The following LAMC1 variants were observed in gnomAD, a reference collection of about 807,000 sequenced individuals.
The protein encoded by LAMC1 is laminin subunit gamma 1, also known as laminin subunit gamma-1.
LAMC1 carries 38 observed loss-of-function variants against 173.6 expected under a neutral mutation model. That is an observed-to-expected ratio of 0.22 (90% CI 0.17 to 0.29). The LOEUF is 0.29. Ranked by LOEUF, LAMC1 falls within the 10% of genes least tolerant of loss-of-function variation. The pLI is 1.00. For missense variants in LAMC1, 1,824 were observed against 2,051.8 expected, an observed-to-expected ratio of 0.89 and a Z score of 2.14; for synonymous variants, 746 against 749.1, an observed-to-expected ratio of 1.00 and a Z score of 0.07.
At chr1:183,108,486 T>C (rs1571445035) in intron 3 of LAMC1, 80 bp downstream of exon 3, 27 of 1,236,686 alleles carry the variant, frequency 2.2e-5, no homozygotes, top group East Asian at 7.4e-5. Context: ...TTTACAACTA[T>C]GTTAATACCG....
chr1:183,128,069 G>A (rs185133364), intron 17 of LAMC1, among the ~76,000 whole-genome samples: 56 of 152,250 alleles, frequency 3.7e-4, no homozygotes, highest in Admixed American at 1.0e-3. Flanking sequence ...GAAGAATAAG[G>A]ATGTGTCTTG....
At chr1:183,122,035 T>G in intron 12 of LAMC1, 28 bp from the exon 13 acceptor site, 1 of 1,610,082 alleles carries the variant, frequency 6.2e-7, no homozygotes, top group Non-Finnish European at 8.5e-7. Flanking sequence ...TACATTTGCC[T>G]GTTTTCTCAC....
intron 1 of LAMC1, among the ~76,000 whole-genome samples, chr1:183,064,660 T>A (rs1474823729): frequency 6.6e-6 from 1 of 152,144 alleles, no homozygotes; most frequent in Non-Finnish European, 1.5e-5. Flanking sequence ...AAGGGGCACC[T>A]CCTGTTACCA....
chr1:183,142,829 G>A lies in LAMC1; in HGVS notation c.*39G>A, dbSNP rs374480765. ...GGAAGGCAGCATCCCTCTGACAGGG[G>A]GGCAGTTGTGAGGCCACAGAGTGCC... On this transcript the variant is annotated 3_prime_UTR_variant, in exon 28 of 28. Transcript: ENST00000258341. 2.6e-6 allele frequency: 4 copies of A among 1,565,856 alleles called. No individual in the cohort carries two copies. In the African/African-American group the frequency reaches 4.1e-5, roughly 16 times the overall value.
chr1:183,121,716 T>C lies in LAMC1; in HGVS notation c.1991-7T>C. The stretch of plus-strand genomic sequence containing the variant: ...TTCAGTGATTTTCTTTTCCTCACTA[T>C]ACACAGGTGCTGGATATTTGGATGA... On this transcript the variant is annotated splice_region_variant and splice_polypyrimidine_tract_variant and intron_variant, in intron 11 of 27. Coordinates refer to ENST00000258341, the MANE Select transcript of LAMC1 (RefSeq NM_002293.4). 1.2e-6 allele frequency: 2 copies of C among 1,612,218 alleles called. No homozygotes were observed. The highest frequency in any genetic ancestry group is 8.5e-7 in the Non-Finnish European group (1 of 1,179,184).
intron 24 of LAMC1, among the ~76,000 whole-genome samples, chr1:183,135,890 C>CA (rs34380430): frequency 0.58 from 60,522 of 103,820 alleles, 16,000 homozygotes; most frequent in East Asian, 0.66. Flanking sequence ...CCTTGTCTCT[C>CA]AAAAAAAAAA....
At chr1:183,035,862 G>T (rs1336008314) in intron 1 of LAMC1, among the ~76,000 whole-genome samples, 6 of 152,134 alleles carry the variant, frequency 3.9e-5, no homozygotes, top group Non-Finnish European at 5.9e-5. Flanking sequence ...CCCTGTGATT[G>T]TTACTGCTTT....
chr1:183,071,740 C>A (rs527485924), intron 1 of LAMC1, among the ~76,000 whole-genome samples: 7 of 152,146 alleles, frequency 4.6e-5, no homozygotes, highest in Admixed American at 3.3e-4. Flanking sequence ...GATTTCACTG[C>A]CTAACATGAC....
intron 1 of LAMC1, among the ~76,000 whole-genome samples, chr1:183,099,556 G>C (rs776670251): frequency 6.6e-6 from 1 of 152,014 alleles, no homozygotes; most frequent in Non-Finnish European, 1.5e-5. Context: ...ATCTTTCCTT[G>C]GCTTCTGTGG....
At chr1:183,140,061 C>CTT (rs1657062431) in intron 26 of LAMC1, among the ~76,000 whole-genome samples, 1 of 151,840 alleles carries the variant, frequency 6.6e-6, no homozygotes, top group African/African-American at 2.4e-5. Flanking sequence ...CTTGTTTCTG[C>CTT]TTAATAGGCT....
At position 183,050,343 on chromosome 1, in the gene LAMC1, G is replaced by A. The variant is rs1225503375; in HGVS notation, c.418+26209G>A. On this transcript the variant is annotated intron_variant, in intron 1 of 27. Transcript: ENST00000258341. The stretch of plus-strand genomic sequence containing the variant: ...CTCGCCCAGGCTGGAATGCAGTGGC[G>A]TGATCTCGGCTCACTGCAAGCGCCA... 6.2e-5 allele frequency among the ~76,000 whole-genome samples: 9 copies of A among 144,690 alleles called. No homozygotes were observed. In the East Asian group the frequency reaches 1.6e-3, roughly 26 times the overall value. 94.9% of individuals were successfully genotyped at this position (144,690 alleles called of 152,430 possible).
intron 1 of LAMC1, among the ~76,000 whole-genome samples, chr1:183,081,542 C>A (rs934362568): frequency 6.8e-6 from 1 of 147,384 alleles, no homozygotes; most frequent in African/African-American, 2.5e-5. Context: ...AGCGAGACTC[C>A]GCCTCAAAAA....
At chr1:183,139,709 C>T (rs975429082) in intron 26 of LAMC1, among the ~76,000 whole-genome samples, 1 of 152,216 alleles carries the variant, frequency 6.6e-6, no homozygotes, top group Non-Finnish European at 1.5e-5. Flanking sequence ...GTGAGAACAT[C>T]TGTTTTCTGA....
intron 1 of LAMC1, among the ~76,000 whole-genome samples, chr1:183,035,251 C>T (rs1376106210): frequency 7.9e-5 from 12 of 152,160 alleles, no homozygotes; most frequent in South Asian, 2.1e-4. Context: ...TGCAGTGGCA[C>T]GATCCTATTT....
intron 1 of LAMC1, among the ~76,000 whole-genome samples, chr1:183,099,662 C>T (rs1158753149): frequency 3.9e-5 from 6 of 152,074 alleles, no homozygotes; most frequent in African/African-American, 1.4e-4. Flanking sequence ...GTTTGTGCAC[C>T]TCAGGGTGGT....
chr1:183,114,818 G>GA (rs1656274352), intron 5 of LAMC1, 99 bp downstream of exon 5: 20 of 1,113,656 alleles, frequency 1.8e-5, no homozygotes, highest in Non-Finnish European at 2.5e-5. Context: ...ACTAAATGTG[G>GA]AGATGTATAC....
Position 183,024,117 on chromosome 1 carries a change from A to C in LAMC1, c.401A>C (p.Asn134Thr). The C allele has an allele frequency of 6.3e-7, 1 of 1,592,378 alleles. No homozygotes were observed. Among genetic ancestry groups the C allele is most frequent in the Non-Finnish European group, 8.6e-7 (1 of 1,169,548 alleles). The change falls in exon 1 of 28, where the codon AAC (asparagine) becomes ACC (threonine). Residue 134 changes from asparagine (N) to threonine (T), a missense_variant. Asn to Thr is a moderately conservative substitution (Grantham distance 65). Coordinates refer to ENST00000258341, the MANE Select transcript of LAMC1 (RefSeq NM_002293.4). ...GGGGTGCAGTACCCCAGCTCCATCA[A>C]CCTCACGCTGCACCTGGGTAAGCGG... ...LAGVQYPSSINLTLHLGKAFD... is the reference protein window; with the variant it reads ...LAGVQYPSSITLTLHLGKAFD...
chr1:183,029,714 A>C (rs993101168), intron 1 of LAMC1, among the ~76,000 whole-genome samples: 1 of 152,134 alleles, frequency 6.6e-6, no homozygotes, highest in African/African-American at 2.4e-5. Context: ...CACAGTCCCT[A>C]TCACATAGGA....
Position 183,132,598 on chromosome 1 carries a change from C to T in LAMC1, c.3704+61C>T, listed in dbSNP as rs1188205630. Reference sequence around the variant, plus strand: ...GGTGTTCTGGTAAGTAACACTAGTTCAATGAAAAATTAAATGCTGGTGCAT... The same window carrying T: ...GGTGTTCTGGTAAGTAACACTAGTTTAATGAAAAATTAAATGCTGGTGCAT... On this transcript the variant is annotated intron_variant, in intron 21 of 27. Coordinates refer to ENST00000258341, the MANE Select transcript of LAMC1 (RefSeq NM_002293.4). The T allele has an allele frequency of 3.8e-6, 5 of 1,332,354 alleles. No individual in the cohort carries two copies. In the African/African-American group the frequency reaches 7.3e-5, roughly 20 times the overall value. The allele number at this position is 1,332,354 out of a possible 1,614,324, so 82.5% of individuals were successfully genotyped here.
Sources: allele counts gnomAD v4.1 joint callset (sites outside exome capture counted in the v4.1 genomes callset), GRCh38; gene constraint gnomAD v4.1.1; transcripts MANE v1.5; gene names NCBI Gene and HGNC (gene_info 2026-07-23, HGNC 2026-07-21).